Variants in STPG2 observed in about 807,000 individuals in gnomAD.
The protein encoded by STPG2 is sperm tail PG-rich repeat containing 2.
Under a neutral mutation model 54.2 loss-of-function variants are expected in STPG2, and 56 were observed. The observed-to-expected ratio is 1.03, with a 90% CI of 0.83 to 1.29. The LOEUF is 1.29. Among genes scored for constraint, STPG2 ranks in the 50% most tolerant of loss-of-function variants. STPG2 has a pLI of 0.00. For synonymous variants in STPG2, 200 were observed against 181.8 expected (o/e 1.10, Z -0.81); for missense variants, 596 against 544.9 (o/e 1.09, Z -0.93).
At chr4:97,598,813 A>G (rs1250370682) in intron 10 of STPG2, among the ~76,000 whole-genome samples, 1 of 152,190 alleles carries the variant, frequency 6.6e-6, no homozygotes, top group Non-Finnish European at 1.5e-5. Context: ...TAAATCTATA[A>G]AAACCCTGAG....
chr4:97,839,158 T>C (rs967057464), intron 9 of STPG2, among the ~76,000 whole-genome samples: 1 of 151,626 alleles, frequency 6.6e-6, no homozygotes, highest in African/African-American at 2.4e-5. Context: ...TTTCATATTA[T>C]GATAAGATCT....
intron 10 of STPG2, among the ~76,000 whole-genome samples, chr4:97,660,724 G>A (rs2148961020): frequency 6.6e-6 from 1 of 152,132 alleles, no homozygotes; most frequent in East Asian, 1.9e-4. Flanking sequence ...TATCTCATGT[G>A]ATCCCCAAAA....
intron 10 of STPG2, among the ~76,000 whole-genome samples, chr4:97,601,866 G>A (rs192700676): frequency 9.5e-4 from 144 of 151,942 alleles, no homozygotes; most frequent in Non-Finnish European, 1.7e-3. Flanking sequence ...TAAATTTATA[G>A]ATCAAGTTGG....
intron 5 of STPG2, among the ~76,000 whole-genome samples, chr4:97,981,842 TA>T (rs1051574037): frequency 6.8e-6 from 1 of 147,478 alleles, no homozygotes; most frequent in African/African-American, 2.5e-5. Context: ...TTTATATATA[TA>T]TATATATATA....
intron 9 of STPG2, among the ~76,000 whole-genome samples, chr4:97,818,097 A>G (rs1191236189): frequency 6.6e-6 from 1 of 151,850 alleles, no homozygotes; most frequent in African/African-American, 2.4e-5. Context: ...AGCTGACCCT[A>G]TTATTTTTAA....
At chr4:97,668,365 G>T (rs1246605300) in intron 10 of STPG2, among the ~76,000 whole-genome samples, 1 of 152,068 alleles carries the variant, frequency 6.6e-6, no homozygotes, top group Admixed American at 6.6e-5. Context: ...TAAGGAATTT[G>T]GGATTAACCA....
Position 97,742,553 on chromosome 4 carries a change from G to GTATATA in STPG2, c.1205-29740_1205-29739insTATATA, listed in dbSNP as rs1299622765. On this transcript the variant is annotated intron_variant, in intron 9 of 10. Coordinates refer to ENST00000295268, the MANE Select transcript of STPG2 (RefSeq NM_174952.3). ...TGTGTGTGTGTGTGTGTGTGTGTGT[G>GTATATA]TGTGTGTGTGTGTCTATATATATAT... 5.9e-5 allele frequency among the ~76,000 whole-genome samples: 8 copies of GTATATA among 134,870 alleles called. 1 individual carries two copies. In the South Asian group the frequency reaches 6.8e-4, roughly 12 times the overall value. The allele number at this position is 134,870 out of a possible 152,430, so 88.5% of individuals were successfully genotyped here.
At position 97,905,935 on chromosome 4, in the gene STPG2, C is replaced by T. The variant is rs187523710; in HGVS notation, c.1044+37962G>A. Among the ~76,000 whole-genome samples, 395 of 151,878 alleles carry T rather than the reference C, an allele frequency of 2.6e-3. 3 individuals are homozygous for T. The highest frequency in any genetic ancestry group is 8.8e-3 in the African/African-American group (365 of 41,398). On this transcript the variant is annotated intron_variant, in intron 8 of 10. Coordinates refer to ENST00000295268, the MANE Select transcript of STPG2 (RefSeq NM_174952.3). The stretch of plus-strand genomic sequence containing the variant: ...AGCAGGAAAGATCCAAAATTGACGC[C>T]CTAACATCACAATTAAAAGAACTAG...
At chr4:97,627,491 A>G (rs1245155929) in intron 10 of STPG2, among the ~76,000 whole-genome samples, 1 of 152,210 alleles carries the variant, frequency 6.6e-6, no homozygotes, top group African/African-American at 2.4e-5. Flanking sequence ...TATATTTGAA[A>G]GAAAAGTACT....
chr4:97,898,328 C>T (rs1731040203), intron 8 of STPG2, among the ~76,000 whole-genome samples: 2 of 150,964 alleles, frequency 1.3e-5, no homozygotes, highest in South Asian at 4.1e-4. Context: ...ATGTGTTACT[C>T]TTATAAATTT....
chr4:97,775,317 C>A (rs183080322), intron 9 of STPG2, among the ~76,000 whole-genome samples: 1 of 152,208 alleles, frequency 6.6e-6, no homozygotes, highest in Admixed American at 6.5e-5. Flanking sequence ...AGGTTTGTTA[C>A]ATATGTATAC....
intron 5 of STPG2, among the ~76,000 whole-genome samples, chr4:98,016,975 T>C (rs113863597): frequency 8.7e-4 from 132 of 152,170 alleles, no homozygotes; most frequent in Middle Eastern, 6.8e-3. Flanking sequence ...GGTCCACAGG[T>C]CAGGTAGGCT....
chr4:97,873,017 T>A (rs1217019040), intron 8 of STPG2, among the ~76,000 whole-genome samples: 1 of 151,436 alleles, frequency 6.6e-6, no homozygotes, highest in South Asian at 2.1e-4. Context: ...GAACTAGGTA[T>A]GTTCATTGCT....
rs189028113 is a variant in STPG2 at position 98,067,938 on chromosome 4, A to G, written c.612+38015T>C. Reference sequence around the variant, plus strand: ...CTGTCACTTATCATTGAGTTAGAAGAAAACAAAAGCAGGGTTATTTTTTTT... The same window carrying G: ...CTGTCACTTATCATTGAGTTAGAAGGAAACAAAAGCAGGGTTATTTTTTTT... On this transcript the variant is annotated intron_variant, in intron 5 of 10. Transcript: ENST00000295268. Among the ~76,000 whole-genome samples, 167 of 152,296 alleles carry G rather than the reference A, an allele frequency of 1.1e-3. 1 individual carries two copies. The highest frequency in any genetic ancestry group is 1.4e-3 in the Admixed American group (21 of 15,282).
intron 3 of STPG2, among the ~76,000 whole-genome samples, chr4:98,118,258 C>T (rs952689139): frequency 7.2e-5 from 11 of 152,042 alleles, no homozygotes; most frequent in African/African-American, 2.4e-4. Flanking sequence ...AATGCTCAAG[C>T]GGTCAATTTA....
chr4:97,944,793 C>T (rs1277790173), intron 7 of STPG2, among the ~76,000 whole-genome samples: 2 of 152,046 alleles, frequency 1.3e-5, no homozygotes, highest in Non-Finnish European at 2.9e-5. Context: ...CTAAAACATC[C>T]ATTACCCACC....
intron 9 of STPG2, among the ~76,000 whole-genome samples, chr4:97,788,033 T>C (rs894998217): frequency 6.6e-6 from 1 of 151,986 alleles, no homozygotes; most frequent in Non-Finnish European, 1.5e-5. Flanking sequence ...TCAGAGTAAG[T>C]GGAGTATCCA....
At chr4:98,141,935 T>A (rs934548977) in intron 1 of STPG2, among the ~76,000 whole-genome samples, 2 of 113,858 alleles carry the variant, frequency 1.8e-5, no homozygotes, top group Non-Finnish European at 1.7e-5. Context: ...TCCAAGACAG[T>A]AGTTGGGAAA....
At chr4:98,028,798 C>T (rs1578795900) in intron 5 of STPG2, among the ~76,000 whole-genome samples, 1 of 151,966 alleles carries the variant, frequency 6.6e-6, no homozygotes, top group Non-Finnish European at 1.5e-5. Flanking sequence ...GATTTTACAT[C>T]TTTCTTCTTT....
Sources: allele counts gnomAD v4.1 joint callset (sites outside exome capture counted in the v4.1 genomes callset), GRCh38; gene constraint gnomAD v4.1.1; transcripts MANE v1.5; gene names NCBI Gene and HGNC (gene_info 2026-07-23, HGNC 2026-07-21).